OSBPL10: variants seen among roughly 807,000 people sequenced by gnomAD.
The protein encoded by OSBPL10 is oxysterol binding protein like 10.
A neutral mutation model predicts 81.7 loss-of-function variants in OSBPL10; 49 were observed. The observed-to-expected ratio is 0.60, with a 90% confidence interval of 0.48 to 0.76. The LOEUF (loss-of-function observed/expected upper bound fraction) is 0.76, where lower values mean the gene tolerates loss of function less well. Ranked by LOEUF, OSBPL10 falls within the 30% of genes least tolerant of loss-of-function variation. OSBPL10 has a pLI of 0.00. For missense variants in OSBPL10, 923 were observed against 987.8 expected (o/e 0.93, Z 0.88); for synonymous variants, 419 against 383.6 (o/e 1.09, Z -1.08).
intron 4 of OSBPL10, among the ~76,000 whole-genome samples, chr3:31,774,999 T>C (rs1004769904): frequency 1.3e-5 from 2 of 151,260 alleles, no homozygotes; most frequent in African/African-American, 4.8e-5. Flanking sequence ...AAACCCTGTT[T>C]CTACAAAAAG....
At chr3:31,844,243 C>T (rs116147802) in intron 3 of OSBPL10, among the ~76,000 whole-genome samples, 2,162 of 152,276 alleles carry the variant, frequency 0.014, 47 homozygotes, top group African/African-American at 0.049. Context: ...CCGTGAACTG[C>T]CATGATTCAA....
chr3:31,716,971 T>C (rs1696463181), intron 6 of OSBPL10: 1 of 152,142 alleles, frequency 6.6e-6, no homozygotes, highest in East Asian at 1.9e-4. Flanking sequence ...TTCTGAAGCG[T>C]ACGATAACAC....
At chr3:31,697,350 C>T (rs1382503242) in intron 7 of OSBPL10, among the ~76,000 whole-genome samples, 1 of 151,410 alleles carries the variant, frequency 6.6e-6, no homozygotes, top group Non-Finnish European at 1.5e-5. Context: ...AGCTGCCCCG[C>T]TAAGCCCATT....
chr3:31,960,403 A>G lies in OSBPL10; in HGVS notation c.281+20496T>C, dbSNP rs544586325. The G allele has an allele frequency of 1.4e-4, 21 of 152,334 alleles. 1 individual carries two copies. The highest frequency in any genetic ancestry group is 4.8e-4 in the African/African-American group (20 of 41,572). 9.4% of individuals were successfully genotyped at this position (152,334 alleles called of 1,614,324 possible). ...AGAACCCTGCATTCAGGGTATTCAC[A>G]TTCACAATAACAAGGGCATTTGCAT... On this transcript the variant is annotated intron_variant, in intron 1 of 11. Coordinates refer to ENST00000396556, the MANE Select transcript of OSBPL10 (RefSeq NM_017784.5).
chr3:31,799,154 C>T (rs1410009965), intron 4 of OSBPL10, among the ~76,000 whole-genome samples: 1 of 152,004 alleles, frequency 6.6e-6, no homozygotes, highest in Non-Finnish European at 1.5e-5. Flanking sequence ...AACTATAACT[C>T]AGGTGATTCT....
chr3:32,040,451 CTGT>C (rs1699564359), intron 2 of OSBPL10, among the ~76,000 whole-genome samples: 1 of 151,996 alleles, frequency 6.6e-6, no homozygotes, highest in Non-Finnish European at 1.5e-5. Context: ...TGGCATGCAC[CTGT>C]AGTCACAGCC....
intron 1 of OSBPL10, among the ~76,000 whole-genome samples, chr3:31,971,427 A>C (rs1200156413): frequency 6.6e-6 from 1 of 152,168 alleles, no homozygotes; most frequent in African/African-American, 2.4e-5. Context: ...GGCATGAGCC[A>C]CTGCACCTGG....
upstream of OSBPL10, among the ~76,000 whole-genome samples, chr3:31,985,070 C>A (rs1698915621): frequency 6.6e-6 from 1 of 152,162 alleles, no homozygotes; most frequent in African/African-American, 2.4e-5. Context: ...ACAACCCTGT[C>A]TCTACTAAAA....
intron 8 of OSBPL10, among the ~76,000 whole-genome samples, chr3:31,675,803 G>A (rs545704588): frequency 6.6e-5 from 10 of 152,088 alleles, no homozygotes; most frequent in South Asian, 4.2e-4. Context: ...AAAATTAGCC[G>A]GGCATGGTGG....
intron 6 of OSBPL10, chr3:31,714,591 C>G (rs369981740): frequency 1.3e-5 from 2 of 152,528 alleles, no homozygotes; most frequent in East Asian, 3.9e-4. Context: ...GGAAAAGGGC[C>G]GTTCTCATCT....
intron 4 of OSBPL10, among the ~76,000 whole-genome samples, chr3:31,824,175 T>C (rs544344151): frequency 3.3e-5 from 5 of 152,272 alleles, no homozygotes; most frequent in Admixed American, 2.6e-4. Flanking sequence ...TTTAATTCTA[T>C]AAAGACACCA....
intron 6 of OSBPL10, among the ~76,000 whole-genome samples, chr3:31,721,826 T>G (rs1696652964): frequency 6.6e-6 from 1 of 152,212 alleles, no homozygotes; most frequent in African/African-American, 2.4e-5. Flanking sequence ...GTGCCAGGCA[T>G]TGAGCTGGAC....
At chr3:31,836,828 C>G (rs1485636215) in intron 3 of OSBPL10, among the ~76,000 whole-genome samples, 1 of 152,188 alleles carries the variant, frequency 6.6e-6, no homozygotes, top group Admixed American at 6.5e-5. Context: ...TACCAAGACT[C>G]CTTTTGGATG....
chr3:31,684,659 C>T (rs1348796233), intron 7 of OSBPL10, among the ~76,000 whole-genome samples: 2 of 152,146 alleles, frequency 1.3e-5, no homozygotes, highest in Admixed American at 6.5e-5. Context: ...GTGTACAAGC[C>T]CCACCATGAC....
At chr3:31,959,704 G>A (rs1050367671) in intron 1 of OSBPL10, among the ~76,000 whole-genome samples, 1 of 152,140 alleles carries the variant, frequency 6.6e-6, no homozygotes, top group South Asian at 2.1e-4. Flanking sequence ...AGCATATTCT[G>A]TTTCTTGTTC....
intron 2 of OSBPL10, among the ~76,000 whole-genome samples, chr3:32,003,881 T>G (rs1451096503): frequency 6.6e-6 from 1 of 152,072 alleles, no homozygotes. Context: ...AAGTAGAAAG[T>G]TCTAGAACAC....
Position 31,933,406 on chromosome 3 carries a change from A to T in OSBPL10, c.281+47493T>A, listed in dbSNP as rs201930561. 8.0e-4 allele frequency among the ~76,000 whole-genome samples: 119 copies of T among 148,344 alleles called. No individual in the cohort carries two copies. In the South Asian group the frequency reaches 0.013, roughly 16 times the overall value. ...ATGTCCTTTAAGGGGGAAACAATAA[A>T]TTTTTTTTTTTTTTAGGAGACAGGG... On this transcript the variant is annotated intron_variant, in intron 1 of 11. Transcript: ENST00000396556.
At chr3:31,859,713 T>C (rs1248718814) in intron 3 of OSBPL10, among the ~76,000 whole-genome samples, 2 of 152,216 alleles carry the variant, frequency 1.3e-5, no homozygotes, top group Admixed American at 6.5e-5. Context: ...CATCCCAAAA[T>C]GAACCTCTCC....
intron 5 of OSBPL10, among the ~76,000 whole-genome samples, chr3:31,747,541 G>A (rs1697565543): frequency 6.7e-6 from 1 of 149,666 alleles, no homozygotes; most frequent in Admixed American, 6.7e-5. Context: ...CGTCATGAGT[G>A]GAATGAGACT....
Sources: gnomAD v4.1 joint callset for allele counts (sites outside exome capture counted in the v4.1 genomes callset) on GRCh38, gnomAD v4.1.1 for gene constraint, MANE v1.5 for transcripts, NCBI Gene and HGNC (gene_info 2026-07-23, HGNC 2026-07-21) for gene names.